Variants in MCTP1 observed in about 807,000 individuals in gnomAD.
The protein encoded by MCTP1 is multiple C2 and transmembrane domain-containing protein 1.
Under a neutral mutation model 120.6 loss-of-function variants are expected in MCTP1, and 69 were observed. The observed-to-expected ratio is 0.57, with a 90% confidence interval of 0.47 to 0.70. The LOEUF (loss-of-function observed/expected upper bound fraction) is 0.70, where lower values mean the gene tolerates loss of function less well. Among genes scored for constraint, MCTP1 ranks in the 30% least tolerant of loss-of-function variants. The pLI is 0.00. For missense variants in MCTP1, 1,203 were observed against 1,248.8 expected (o/e 0.96, Z 0.55); for synonymous variants, 529 against 493.1 (o/e 1.07, Z -0.96).
chr5:94,771,948 C>T (rs551376722), intron 19 of MCTP1, among the ~76,000 whole-genome samples: 1 of 152,238 alleles, frequency 6.6e-6, no homozygotes, highest in South Asian at 2.1e-4. Context: ...AATCCTTTTC[C>T]TTGCCCTTTC....
At chr5:94,785,993 T>A (rs888143373) in intron 18 of MCTP1, among the ~76,000 whole-genome samples, 1 of 152,152 alleles carries the variant, frequency 6.6e-6, no homozygotes, top group African/African-American at 2.4e-5. Flanking sequence ...CATATATGAT[T>A]CCATATATGG....
chr5:94,759,903 GAAAAAAAAAAA>G (rs10719332), intron 19 of MCTP1, among the ~76,000 whole-genome samples: 1 of 78,906 alleles, frequency 1.3e-5, no homozygotes, highest in African/African-American at 5.1e-5. Flanking sequence ...TTTTCAAAGA[GAAAAAAAAAAA>G]AAAAAAAAAA....
chr5:95,255,712 A>T (rs1236698344), intron 1 of MCTP1, among the ~76,000 whole-genome samples: 1 of 152,214 alleles, frequency 6.6e-6, no homozygotes, highest in Non-Finnish European at 1.5e-5. Context: ...AGGAATATAG[A>T]GAACAAAAGT....
intron 1 of MCTP1, among the ~76,000 whole-genome samples, chr5:95,189,807 G>T (rs775660138): frequency 9.2e-5 from 14 of 152,196 alleles, no homozygotes; most frequent in Non-Finnish European, 1.8e-4. Context: ...TGCCTAATTA[G>T]TGTTATCTTC....
At chr5:95,208,371 G>A (rs926086564) in intron 1 of MCTP1, among the ~76,000 whole-genome samples, 29 of 152,202 alleles carry the variant, frequency 1.9e-4, no homozygotes, top group African/African-American at 6.5e-4. Flanking sequence ...GATTACAGGC[G>A]TGAGCCACCA....
At chr5:94,870,557 A>G (rs1797651631) in intron 15 of MCTP1, 66 bp from the exon 16 acceptor site, 1 of 1,178,092 alleles carries the variant, frequency 8.5e-7, no homozygotes, top group Non-Finnish European at 1.3e-6. Context: ...TTTTTCACGC[A>G]GTTCAATTTG....
intron 19 of MCTP1, among the ~76,000 whole-genome samples, chr5:94,763,791 G>A (rs577407988): frequency 6.6e-6 from 1 of 152,258 alleles, no homozygotes; most frequent in East Asian, 1.9e-4. Flanking sequence ...GTAAGGAAGG[G>A]TAGCACTGTG....
intron 19 of MCTP1, among the ~76,000 whole-genome samples, chr5:94,735,970 T>TG (rs1764131539): frequency 1.3e-5 from 2 of 152,234 alleles, no homozygotes. Context: ...ACCTTGGGTT[T>TG]GGACAGACCT....
chr5:95,224,852 T>C (rs1361389816), intron 1 of MCTP1, among the ~76,000 whole-genome samples: 1 of 152,182 alleles, frequency 6.6e-6, no homozygotes, highest in African/African-American at 2.4e-5. Flanking sequence ...GTTTTCTTCC[T>C]GAACAGCTAC....
rs915596595 is a variant in MCTP1 at position 94,704,262 on chromosome 5, A to ATTAAT, written c.*3229_*3233dup. 1 of 151,644 alleles carries ATTAAT rather than the reference A, an allele frequency of 6.6e-6. No individual in the cohort carries two copies. 9.4% of individuals were successfully genotyped at this position (151,644 alleles called of 1,614,324 possible). A position where few individuals can be genotyped will look rare whatever the true frequency, so the allele number is the denominator to read the frequency against. On this transcript the variant is annotated 3_prime_UTR_variant, in exon 23 of 23. Coordinates refer to ENST00000515393, the MANE Select transcript of MCTP1 (RefSeq NM_024717.7). ...TTAAAGCCCAAGAATTTAAGCAAGT[A>ATTAAT]TTAATTTAGCAATACCTGAGACGTT... is the stretch of plus-strand genomic sequence containing the variant.
chr5:94,743,872 C>G (rs372865293), intron 19 of MCTP1, among the ~76,000 whole-genome samples: 5 of 151,866 alleles, frequency 3.3e-5, no homozygotes, highest in Admixed American at 1.3e-4. Context: ...ATCTTCTGAC[C>G]TTGTGATCTG....
At chr5:94,767,019 C>T (rs1580567308) in intron 19 of MCTP1, among the ~76,000 whole-genome samples, 1 of 152,072 alleles carries the variant, frequency 6.6e-6, no homozygotes, top group Non-Finnish European at 1.5e-5. Flanking sequence ...CAAAAATCCC[C>T]AACAAAAATA....
At chr5:94,836,901 T>C (rs945429889) in intron 17 of MCTP1, among the ~76,000 whole-genome samples, 44 of 152,248 alleles carry the variant, frequency 2.9e-4, no homozygotes, top group Admixed American at 2.7e-3. Flanking sequence ...TGTTCTGTTA[T>C]ATAGAGGACC....
At chr5:94,862,902 G>A (rs1013801225) in intron 17 of MCTP1, among the ~76,000 whole-genome samples, 1 of 151,758 alleles carries the variant, frequency 6.6e-6, no homozygotes, top group African/African-American at 2.4e-5. Context: ...GAAAATTGTG[G>A]TACGAGAAAC....
chr5:94,734,601 G>A (rs191879159), intron 19 of MCTP1, among the ~76,000 whole-genome samples: 120 of 152,176 alleles, frequency 7.9e-4, no homozygotes, highest in African/African-American at 2.7e-3. Context: ...GGGACTATAG[G>A]CTGTGCCACT....
rs181092246 is a variant in MCTP1, at chr5:95,119,574, C to A, written c.721-102090G>T. On this transcript the variant is annotated intron_variant, in intron 1 of 22. Transcript: ENST00000515393. ...AAACGAAGAAAACAAAACAAAAGATCAAAAAGCACAAAGTTGGTTTTTTGA... is the reference window on the plus strand; with the variant it reads ...AAACGAAGAAAACAAAACAAAAGATAAAAAAGCACAAAGTTGGTTTTTTGA... Among the ~76,000 whole-genome samples the A allele has an allele frequency of 1.5e-3, 231 of 151,882 alleles. 2 individuals carry two copies. Among genetic ancestry groups the A allele is most frequent in the African/African-American group, 5.3e-3 (220 of 41,426 alleles).
intron 1 of MCTP1, among the ~76,000 whole-genome samples, chr5:95,098,319 T>C (rs969232461): frequency 6.6e-6 from 1 of 152,216 alleles, no homozygotes; most frequent in Non-Finnish European, 1.5e-5. Flanking sequence ...CTTCTTTTTA[T>C]AGAAAGAATA....
In MCTP1 at chr5:95,061,408, G is replaced by GTTGTTTTTTTTTTTTTTTTTTTTTTTTTT. The variant is rs1749067994; in HGVS notation, c.721-43925_721-43924insAAAAAAAAAAAAAAAAAAAAAAAAAACAA. ...ATCAATTTTCACAAACCCCTTAAGG[G>GTTGTTTTTTTTTTTTTTTTTTTTTTTTTT]TTTTTTTTTTTTTTTTTTTTTTTTT... On this transcript the variant is annotated intron_variant, in intron 1 of 22. Transcript: ENST00000515393. Among the ~76,000 whole-genome samples, 4 of 33,486 alleles carry GTTGTTTTTTTTTTTTTTTTTTTTTTTTTT rather than the reference G, an allele frequency of 1.2e-4. 1 individual carries two copies. Among genetic ancestry groups the GTTGTTTTTTTTTTTTTTTTTTTTTTTTTT allele is most frequent in the Non-Finnish European group, 1.9e-4 (3 of 16,078 alleles). The allele number at this position is 33,486 out of a possible 152,430, so 22.0% of individuals were successfully genotyped here. A position where few individuals can be genotyped will look rare whatever the true frequency, so the allele number is the denominator to read the frequency against.
chr5:95,026,231 A>G (rs1839235814), intron 1 of MCTP1, among the ~76,000 whole-genome samples: 1 of 152,148 alleles, frequency 6.6e-6, no homozygotes, highest in Non-Finnish European at 1.5e-5. Flanking sequence ...CATGCAATGC[A>G]TTATAATTTC....
Sources: gnomAD v4.1 joint callset for allele counts (sites outside exome capture counted in the v4.1 genomes callset) on GRCh38, gnomAD v4.1.1 for gene constraint, MANE v1.5 for transcripts, NCBI Gene and HGNC (gene_info 2026-07-23, HGNC 2026-07-21) for gene names.